GALNT2: variants seen among roughly 807,000 people sequenced by gnomAD.
GALNT2 encodes the protein UDP-GalNAc:polypeptide N-acetylgalactosaminyltransferase 2.
A neutral mutation model predicts 81.4 loss-of-function variants in GALNT2; 31 were observed. The ratio of observed to expected loss-of-function variants is 0.38; its 90% CI spans 0.29 to 0.51. The LOEUF is 0.51. Ranked by LOEUF, GALNT2 falls within the 20% of genes least tolerant of loss-of-function variation. The probability of loss-of-function intolerance (pLI) is 0.87; values close to 1 mark genes in which losing one functional copy is unlikely to be tolerated. For synonymous variants in GALNT2, 303 were observed against 287.4 expected, an observed-to-expected ratio of 1.05 and a Z score of -0.55; for missense variants, 629 against 765.7, an observed-to-expected ratio of 0.82 and a Z score of 2.11.
chr1:230,067,400 C>G lies in GALNT2; in HGVS notation c.120C>G (p.Gly40=). The change falls in exon 1 of 16, where the codon GGC becomes GGG. Residue 40 remains glycine (G), a synonymous_variant. Transcript: ENST00000366672. ...ALAGGAGGGA[G]RKEDWNEIDP... Reference sequence around the variant, plus strand: ...CCGGGGGCGCGGGCGGCGGCGCCGGCAGGAAGGTGAGTGGAGCGCCCTGCC... The same window carrying G: ...CCGGGGGCGCGGGCGGCGGCGCCGGGAGGAAGGTGAGTGGAGCGCCCTGCC... 8.1e-7 allele frequency: 1 copy of G among 1,241,492 alleles called. No homozygotes were observed. The highest frequency in any genetic ancestry group is 1.0e-6 in the Non-Finnish European group (1 of 983,850). The allele number at this position is 1,241,492 out of a possible 1,614,324, so 76.9% of individuals were successfully genotyped here.
At chr1:230,212,690 T>C (rs920522809) in intron 3 of GALNT2, among the ~76,000 whole-genome samples, 1 of 152,166 alleles carries the variant, frequency 6.6e-6, no homozygotes, top group African/African-American at 2.4e-5. Context: ...TCATCCCAGG[T>C]TGTAACTTGC....
chr1:230,062,977 A>C (rs1304382310), upstream of GALNT2, among the ~76,000 whole-genome samples: 2 of 152,188 alleles, frequency 1.3e-5, no homozygotes, highest in African/African-American at 4.8e-5. Flanking sequence ...ATTTCTCTAC[A>C]TCCTCACCAA....
rs1320156490 is a variant in GALNT2 at position 230,070,662 on chromosome 1, G to A, written c.126+3256G>A. Among the ~76,000 whole-genome samples the A allele has an allele frequency of 6.6e-6, 1 of 152,110 alleles. No homozygotes were observed. Among genetic ancestry groups the A allele is most frequent in the Admixed American group, 6.5e-5 (1 of 15,280 alleles). ...GTGGCCCTTGCCCGAGAGTCCAAGG[G>A]TGGGGGACTTTGGGTGGGATCTTCT... On this transcript the variant is annotated intron_variant, in intron 1 of 15. Transcript: ENST00000366672. This position sits in a 1 kb window ranked among gnomAD's most constrained non-coding sequence, Gnocchi z 4.7.
chr1:230,276,741 G>T (rs1666316988), intron 15 of GALNT2, among the ~76,000 whole-genome samples: 1 of 152,190 alleles, frequency 6.6e-6, no homozygotes, highest in East Asian at 1.9e-4. Flanking sequence ...ATGTCCATCT[G>T]TGTTGATGAC....
chr1:230,139,930 C>T (rs75420491), intron 1 of GALNT2, among the ~76,000 whole-genome samples: 31,588 of 152,136 alleles, frequency 0.21, 3,627 homozygotes, highest in African/African-American at 0.31. Flanking sequence ...GGTTGTACAT[C>T]CACAGACTCA....
chr1:230,162,914 T>A (rs919946181), intron 1 of GALNT2, among the ~76,000 whole-genome samples: 1 of 152,226 alleles, frequency 6.6e-6, no homozygotes, highest in African/African-American at 2.4e-5. Context: ...AACTTAAGCA[T>A]GAGAATGGAC....
intron 3 of GALNT2, among the ~76,000 whole-genome samples, chr1:230,210,317 T>G (rs1664197378): frequency 6.6e-6 from 1 of 152,244 alleles, no homozygotes; most frequent in Non-Finnish European, 1.5e-5. Context: ...TTTGTTTTCT[T>G]CTTTCCCCTG....
At chr1:230,119,513 T>A (rs1341934332) in intron 1 of GALNT2, among the ~76,000 whole-genome samples, 2 of 152,198 alleles carry the variant, frequency 1.3e-5, no homozygotes, top group East Asian at 3.8e-4. Flanking sequence ...TGGGTTTCTG[T>A]GGTGGAGGCA....
intron 1 of GALNT2, among the ~76,000 whole-genome samples, chr1:230,153,241 A>C (rs1161409021): frequency 6.6e-6 from 1 of 152,134 alleles, no homozygotes; most frequent in East Asian, 1.9e-4. Context: ...AATACATTTA[A>C]ATGAGATAAA....
intron 3 of GALNT2, among the ~76,000 whole-genome samples, chr1:230,232,976 GC>G (rs1374918576): frequency 2.6e-5 from 4 of 152,068 alleles, no homozygotes; most frequent in African/African-American, 9.7e-5. Context: ...AATAAAAGAA[GC>G]CCATTTTGTG....
chr1:230,220,840 A>C (rs1477867141), intron 3 of GALNT2, among the ~76,000 whole-genome samples: 4 of 152,254 alleles, frequency 2.6e-5, no homozygotes, highest in African/African-American at 9.6e-5. Flanking sequence ...ATCTTGGCCA[A>C]ATATTAGCTA....
intron 2 of GALNT2, among the ~76,000 whole-genome samples, chr1:230,191,905 A>C (rs1314355721): frequency 6.6e-6 from 1 of 152,250 alleles, no homozygotes; most frequent in Non-Finnish European, 1.5e-5. Context: ...GGGGCTCCCC[A>C]TGCTCAGCAC....
In GALNT2 at chr1:230,279,383, C is replaced by G; in HGVS notation, c.1641C>G (p.Ser547Arg). ...GCCTGGACAGTCGCACGGCCAAGAG[C>G]GGGGGCCTAAGCGTGGAGGTGTGTG... ...NLCLDSRTAK[S>R]GGLSVEVCGP... The change falls in exon 16 of 16, where the codon AGC (serine) becomes AGG (arginine). Residue 547 changes from serine (S) to arginine (R), a missense_variant. Transcript: ENST00000366672. The surrounding 1 kb of genome is among the most constrained non-coding windows in gnomAD (Gnocchi z 4.6). 1 of 1,614,144 alleles carries G rather than the reference C, an allele frequency of 6.2e-7. No individual in the cohort carries two copies. The highest frequency in any genetic ancestry group is 1.1e-5 in the South Asian group (1 of 91,076).
Position 230,138,393 on chromosome 1 carries a change from T to C in GALNT2, c.127-39825T>C, listed in dbSNP as rs536148893. On this transcript the variant is annotated intron_variant, in intron 1 of 15. Coordinates refer to ENST00000366672, the MANE Select transcript of GALNT2 (RefSeq NM_004481.5). ...CACAAAAATTAGCCAGGCATGGTGGTGCGTGCCTGTAATCCCAGCTACTTG... is the reference window on the plus strand; with the variant it reads ...CACAAAAATTAGCCAGGCATGGTGGCGCGTGCCTGTAATCCCAGCTACTTG... 1.4e-4 allele frequency among the ~76,000 whole-genome samples: 21 copies of C among 151,996 alleles called. No homozygotes were observed. The South Asian group carries it at 4.2e-3, about 30-fold the overall frequency.
chr1:230,060,077 G>A (rs914260457), intron 1 of GALNT2, among the ~76,000 whole-genome samples: 2 of 152,072 alleles, frequency 1.3e-5, no homozygotes, highest in African/African-American at 4.8e-5. Flanking sequence ...GGGCTTTATT[G>A]CATTTAGATA....
At chr1:230,143,092 T>C (rs1394580949) in intron 1 of GALNT2, among the ~76,000 whole-genome samples, 2 of 152,182 alleles carry the variant, frequency 1.3e-5, no homozygotes, top group African/African-American at 4.8e-5. Flanking sequence ...AGAATGGTGC[T>C]GGCTCCTCTA....
intron 3 of GALNT2, among the ~76,000 whole-genome samples, chr1:230,206,676 T>C (rs536778230): frequency 4.6e-5 from 7 of 152,318 alleles, no homozygotes; most frequent in African/African-American, 1.7e-4. Context: ...TTCGTGTTGA[T>C]CAATAGAAAT....
chr1:230,185,105 G>C (rs582233), intron 2 of GALNT2, among the ~76,000 whole-genome samples: 2 of 151,708 alleles, frequency 1.3e-5, no homozygotes, highest in Non-Finnish European at 2.9e-5. Flanking sequence ...TTTCCATTTC[G>C]CTGCTTACAT....
intron 6 of GALNT2, among the ~76,000 whole-genome samples, chr1:230,239,443 C>T (rs1665132611): frequency 6.6e-6 from 1 of 152,194 alleles, no homozygotes; most frequent in Admixed American, 6.5e-5. Context: ...GTTCAGCCTT[C>T]AGTCAGTGGT....
Sources: gnomAD v4.1 joint callset for allele counts (sites outside exome capture counted in the v4.1 genomes callset) on GRCh38, gnomAD v4.1.1 for gene constraint, Gnocchi (gnomAD v3.1) non-coding constraint, MANE v1.5 for transcripts, NCBI Gene and HGNC (gene_info 2026-07-23, HGNC 2026-07-21) for gene names.